PHF11: variants seen among roughly 807,000 people sequenced by gnomAD.
PHF11 encodes PHD finger protein 11, also known as BRCA1 C-terminus-associated protein.
Under a neutral mutation model 40.5 loss-of-function variants are expected in PHF11, and 38 were observed. The ratio of observed to expected loss-of-function variants is 0.94; its 90% CI spans 0.72 to 1.23. The LOEUF is 1.23. Among genes scored for constraint, PHF11 ranks in the 50% most tolerant of loss-of-function variants. The pLI, the probability that PHF11 is intolerant of heterozygous loss-of-function variation, is 0.00. For missense variants in PHF11, 369 were observed against 392.4 expected (o/e 0.94, Z 0.50); for synonymous variants, 127 against 138.2 (o/e 0.92, Z 0.57).
chr13:49,519,984 C>T (rs544923086), intron 4 of PHF11, among the ~76,000 whole-genome samples: 72 of 152,192 alleles, frequency 4.7e-4, no homozygotes, highest in African/African-American at 1.6e-3. Flanking sequence ...AAGCTGGGTG[C>T]CGAGGAGGAG....
rs1169962633 is a variant in PHF11 at position 49,506,898 on chromosome 13, C to CTTTTTTT, written c.216+159_216+165dup. 90 of 144,014 alleles carry CTTTTTTT rather than the reference C, an allele frequency of 6.2e-4. 1 individual carries two copies. Among genetic ancestry groups the CTTTTTTT allele is most frequent in the Non-Finnish European group, 6.9e-4 (59 of 85,842 alleles). 8.9% of individuals were successfully genotyped at this position (144,014 alleles called of 1,614,324 possible). On this transcript the variant is annotated intron_variant, in intron 2 of 9. Transcript: ENST00000378319. ...TTTAGGTGAAGATTGGGGAGCATTT[C>CTTTTTTT]TTTTTTTTTTTTTTTTTTTTTTTGA... is the stretch of plus-strand genomic sequence containing the variant.
At chr13:49,513,945 A>T (rs1423901535) in intron 3 of PHF11, among the ~76,000 whole-genome samples, 7 of 152,274 alleles carry the variant, frequency 4.6e-5, no homozygotes, top group Admixed American at 3.3e-4. Flanking sequence ...CCAGTGAAAG[A>T]CAAAGGTCAT....
chr13:49,519,986 G>A (rs959527241), intron 4 of PHF11, among the ~76,000 whole-genome samples: 1 of 152,150 alleles, frequency 6.6e-6, no homozygotes, highest in African/African-American at 2.4e-5. Context: ...GCTGGGTGCC[G>A]AGGAGGAGGA....
In PHF11 at chr13:49,495,954, C is replaced by A; in HGVS notation, c.-48C>A. ...AACGAAACCTAGTGCAGCTGGGGCA[C>A]TTCCGGGATCTCGCTATCCGGCCGC... is the stretch of plus-strand genomic sequence containing the variant. On this transcript the variant is annotated 5_prime_UTR_variant, in exon 1 of 10. Transcript: ENST00000378319. 1 of 1,282,466 alleles carries A rather than the reference C, an allele frequency of 7.8e-7. No individual in the cohort carries two copies. The highest frequency in any genetic ancestry group is 1.1e-6 in the Non-Finnish European group (1 of 934,600). The allele number at this position is 1,282,466 out of a possible 1,614,324, so 79.4% of individuals were successfully genotyped here.
At chr13:49,518,218 A>G (rs1250144117) in intron 4 of PHF11, 67 bp downstream of exon 4, 1 of 1,171,636 alleles carries the variant, frequency 8.5e-7, no homozygotes, top group African/African-American at 1.6e-5. Context: ...GGATTAAGAC[A>G]AGGAGACTTT....
At position 49,528,727 on chromosome 13, in the gene PHF11, C is replaced by G; in HGVS notation, c.*62C>G. On this transcript the variant is annotated 3_prime_UTR_variant, in exon 10 of 10. Coordinates refer to ENST00000378319, the MANE Select transcript of PHF11 (RefSeq NM_001040443.3). ...TGCAATCAGGCTCAAAACCAGAGAC[C>G]AGGCTGTGAAATCCACACATCTTTA... 8.0e-7 allele frequency: 1 copy of G among 1,255,100 alleles called. No homozygotes were observed. Among genetic ancestry groups the G allele is most frequent in the South Asian group, 1.4e-5 (1 of 73,668 alleles). 77.7% of individuals were successfully genotyped at this position (1,255,100 alleles called of 1,614,324 possible).
In PHF11 at chr13:49,496,105, G is replaced by A. The variant is rs905422179; in HGVS notation, c.94+10G>A. 4.1e-6 allele frequency: 2 copies of A among 493,352 alleles called. No homozygotes were observed. The highest frequency in any genetic ancestry group is 5.3e-6 in the Non-Finnish European group (2 of 374,398). The allele number at this position is 493,352 out of a possible 1,614,324, so 30.6% of individuals were successfully genotyped here. A position where few individuals can be genotyped will look rare whatever the true frequency, so the allele number is the denominator to read the frequency against. ...CTCCTCCTTCCCACCGGTGTGTACC[G>A]CGGGGGCGGGCGGGCGGGCGGGCGG... On this transcript the variant is annotated intron_variant, in intron 1 of 9. Coordinates refer to ENST00000378319, the MANE Select transcript of PHF11 (RefSeq NM_001040443.3).
intron 1 of PHF11, 109 bp from the exon 2 acceptor site, chr13:49,506,526 A>G: frequency 5.6e-6 from 5 of 892,812 alleles, no homozygotes; most frequent in East Asian, 2.4e-5. Context: ...GGGAATTAAG[A>G]CTCTCTCATA....
intron 8 of PHF11, chr13:49,525,884 G>A (rs993495711): frequency 1.6e-5 from 7 of 437,876 alleles, no homozygotes; most frequent in African/African-American, 1.0e-4. Flanking sequence ...ACCAAGAATT[G>A]GGGGCCAGGC....
chr13:49,508,538 T>C (rs1959042233), intron 2 of PHF11, among the ~76,000 whole-genome samples: 1 of 151,168 alleles, frequency 6.6e-6, no homozygotes, highest in Non-Finnish European at 1.5e-5. Context: ...GGGCAAGTTT[T>C]TTGTTTTGTT....
At chr13:49,496,317 C>G in intron 1 of PHF11, 1 of 905,778 alleles carries the variant, frequency 1.1e-6, no homozygotes, top group Non-Finnish European at 1.4e-6. Flanking sequence ...CAGGCCAGTT[C>G]CACAGGTGGC....
At chr13:49,507,222 C>T (rs4942833) in intron 2 of PHF11, among the ~76,000 whole-genome samples, 66,994 of 151,800 alleles carry the variant, frequency 0.44, 15,679 homozygotes, top group Middle Eastern at 0.57. Flanking sequence ...GCATATTTTT[C>T]TGACTTTGAA....
chr13:49,496,554 C>G (rs575735630), intron 1 of PHF11: 2 of 618,516 alleles, frequency 3.2e-6, no homozygotes, highest in East Asian at 1.4e-4. Flanking sequence ...GAACCCGTCT[C>G]CCCTTCTCCA....
chr13:49,522,081 A>C lies in PHF11; in HGVS notation c.544A>C (p.Lys182Gln). 1 of 1,565,738 alleles carries C rather than the reference A, an allele frequency of 6.4e-7. No homozygotes were observed. Among genetic ancestry groups the C allele is most frequent in the East Asian group, 2.2e-5 (1 of 44,520 alleles). ...AGTGAAAAGAAAAAGAGGAAGGAAG[A>C]AACCCCTCTCAGGCAATCATGTACA... ...SGVKRKRGRK[K>Q]PLSGNHVQPP... is the part of the protein sequence containing the mutation. The change falls in exon 6 of 10, where the codon AAA (lysine) becomes CAA (glutamine). Residue 182 changes from lysine (K) to glutamine (Q), a missense_variant. Coordinates refer to ENST00000378319, the MANE Select transcript of PHF11 (RefSeq NM_001040443.3).
chr13:49,526,289 G>A, intron 8 of PHF11, 98 bp from the exon 9 acceptor site: 2 of 750,102 alleles, frequency 2.7e-6, no homozygotes, highest in East Asian at 2.7e-5. Context: ...GCACATGACT[G>A]CTCTCTTTCC....
At position 49,517,072 on chromosome 13, in the gene PHF11, A is replaced by G. The variant is rs1959164883; in HGVS notation, c.325-946A>G. Among the ~76,000 whole-genome samples, 4 of 152,000 alleles carry G rather than the reference A, an allele frequency of 2.6e-5. No individual in the cohort carries two copies. In the South Asian group the frequency reaches 8.3e-4, roughly 31 times the overall value. On this transcript the variant is annotated intron_variant, in intron 3 of 9. Coordinates refer to ENST00000378319, the MANE Select transcript of PHF11 (RefSeq NM_001040443.3). The stretch of plus-strand genomic sequence containing the variant: ...TTCAGGAGTATATTGTGAGGTAGGG[A>G]TCTAACTTTATTTTTTTCCTATATA...
chr13:49,507,164 C>A (rs1023035793), intron 2 of PHF11, among the ~76,000 whole-genome samples: 2 of 152,040 alleles, frequency 1.3e-5, no homozygotes, highest in Non-Finnish European at 2.9e-5. Flanking sequence ...CTCGGCCTCC[C>A]AAAGTGCTGG....
At chr13:49,501,127 C>T (rs1958902919) in intron 1 of PHF11, among the ~76,000 whole-genome samples, 1 of 151,564 alleles carries the variant, frequency 6.6e-6, no homozygotes, top group Admixed American at 6.6e-5. Context: ...GATTCTCCTG[C>T]CTCAGCCTCC....
At chr13:49,515,152 G>C (rs898158286) in intron 3 of PHF11, among the ~76,000 whole-genome samples, 2 of 152,076 alleles carry the variant, frequency 1.3e-5, no homozygotes, top group Non-Finnish European at 2.9e-5. Flanking sequence ...GCTTTGGGAT[G>C]GGTTGGAAGT....
Sources: gnomAD v4.1 joint callset for allele counts (sites outside exome capture counted in the v4.1 genomes callset) on GRCh38, gnomAD v4.1.1 for gene constraint, MANE v1.5 for transcripts, NCBI Gene and HGNC (gene_info 2026-07-23, HGNC 2026-07-21) for gene names.